The following PATJ variants were observed in gnomAD, a reference collection of about 807,000 sequenced individuals.
PATJ encodes inaD-like protein.
A neutral mutation model predicts 224.9 loss-of-function variants in PATJ; 190 were observed. The observed-to-expected ratio is 0.84, with a 90% CI of 0.75 to 0.95. The LOEUF (loss-of-function observed/expected upper bound fraction) is 0.95. Ranked by LOEUF, PATJ falls within the 40% of genes least tolerant of loss-of-function variation. The pLI is 0.00. For missense variants in PATJ, 2,121 were observed against 2,270.3 expected (o/e 0.93, Z 1.34); for synonymous variants, 769 against 820.3 (o/e 0.94, Z 1.07).
At chr1:61,838,521 ATTT>A (rs34877280) in intron 17 of PATJ, among the ~76,000 whole-genome samples, 3 of 115,574 alleles carry the variant, frequency 2.6e-5, no homozygotes, top group Admixed American at 9.2e-5. Flanking sequence ...CGCCTGGCTA[ATTT>A]TTTTTTTTTT....
At chr1:62,048,578 A>C (rs1041687619) in intron 30 of PATJ, among the ~76,000 whole-genome samples, 30 of 150,862 alleles carry the variant, frequency 2.0e-4, no homozygotes, top group African/African-American at 7.0e-4. Context: ...AAAGAAAAAG[A>C]AAGAAAAGAA....
At position 61,787,927 on chromosome 1, in the gene PATJ, C is replaced by T. The variant is rs754294234; in HGVS notation, c.1023C>T (p.Ala341=). Reference sequence around the variant, plus strand: ...CAGTCACCCCCCCTGCCCCTGCAGCCTTACCTGTTGCCCTGCCTACTGTAG... The same window carrying T: ...CAGTCACCCCCCCTGCCCCTGCAGCTTTACCTGTTGCCCTGCCTACTGTAG... ...DISVTPPAPA[A]LPVALPTVAS... The change falls in exon 8 of 44, where the codon GCC becomes GCT. Residue 341 remains alanine (A), a synonymous_variant. Transcript: ENST00000642238. 1.2e-6 allele frequency: 2 copies of T among 1,613,956 alleles called. No individual in the cohort carries two copies. The highest frequency in any genetic ancestry group is 2.2e-5 in the East Asian group (1 of 44,882).
At chr1:61,971,750 T>G (rs1372374246) in intron 27 of PATJ, among the ~76,000 whole-genome samples, 1 of 152,018 alleles carries the variant, frequency 6.6e-6, no homozygotes, top group Non-Finnish European at 1.5e-5. Context: ...TCCCAACACT[T>G]TGGGAGGCCA....
At chr1:62,052,429 A>G (rs986762762) in intron 31 of PATJ, among the ~76,000 whole-genome samples, 7 of 149,374 alleles carry the variant, frequency 4.7e-5, no homozygotes, top group Admixed American at 2.0e-4. Flanking sequence ...TTTATTTACC[A>G]GAGATTGACT....
Position 61,864,343 on chromosome 1 carries a change from G to T in PATJ, c.2545G>T (p.Glu849Ter). The T allele has an allele frequency of 6.2e-7, 1 of 1,614,116 alleles. No homozygotes were observed. The highest frequency in any genetic ancestry group is 1.7e-5 in the Admixed American group (1 of 60,014). The stretch of plus-strand genomic sequence containing the variant: ...ACAAAAAGAGATAGAGCAAAGCAAG[G>T]AGGCCTGGGAGATGCATGAATTTCT... ...SQQKEIEQSK[E>*]AWEMHEFLTP... The change falls in exon 20 of 44, where the codon GAG (glutamate) becomes TAG (stop). Residue 849 changes from glutamate to a stop codon, truncating the protein, a stop_gained. Coordinates refer to ENST00000642238, the MANE Select transcript of PATJ (RefSeq NM_001350145.3). LOFTEE classifies it high-confidence loss of function.
At chr1:62,026,486 GTC>G (rs1491156411) in intron 29 of PATJ, among the ~76,000 whole-genome samples, 19,613 of 83,592 alleles carry the variant, frequency 0.23, 1,346 homozygotes, top group Middle Eastern at 0.35. Flanking sequence ...GTGTGTGTGT[GTC>G]TGTGTGTGTG....
intron 41 of PATJ, among the ~76,000 whole-genome samples, chr1:62,143,438 A>ATTTTTTTTT (rs34127211): frequency 1.3e-5 from 1 of 74,310 alleles, no homozygotes; most frequent in African/African-American, 5.8e-5. Context: ...TAAGCTGGGA[A>ATTTTTTTTT]TTTTTTTTTT....
intron 27 of PATJ, among the ~76,000 whole-genome samples, chr1:61,978,196 T>TCTTCCTTCCTTCCTTC (rs142507580): frequency 3.6e-5 from 5 of 137,876 alleles, no homozygotes; most frequent in African/African-American, 1.4e-4. Flanking sequence ...CATCTTCATA[T>TCTTCCTTCCTTCCTTC]CTTCCTTCCT....
intron 41 of PATJ, among the ~76,000 whole-genome samples, chr1:62,139,545 G>A (rs1570772744): frequency 4.6e-5 from 7 of 152,088 alleles, no homozygotes; most frequent in Admixed American, 4.6e-4. Context: ...TTCAGTGGCG[G>A]GGCTGAGCCA....
chr1:61,980,818 T>G (rs1644413739), intron 27 of PATJ, among the ~76,000 whole-genome samples: 1 of 151,920 alleles, frequency 6.6e-6, no homozygotes, highest in African/African-American at 2.4e-5. Flanking sequence ...ACAGGAGGAG[T>G]GCTACCATTT....
intron 27 of PATJ, among the ~76,000 whole-genome samples, chr1:61,932,134 T>C (rs1676124903): frequency 6.6e-6 from 1 of 152,092 alleles, no homozygotes; most frequent in Non-Finnish European, 1.5e-5. Context: ...AGAAAGCTTG[T>C]TAAAACAGTA....
intron 29 of PATJ, among the ~76,000 whole-genome samples, chr1:62,029,886 A>G (rs1648871663): frequency 6.6e-6 from 1 of 152,230 alleles, no homozygotes. Context: ...GCAACTACAA[A>G]GACATGCAAA....
At chr1:62,077,423 T>G (rs1658483288) in intron 31 of PATJ, among the ~76,000 whole-genome samples, 1 of 152,144 alleles carries the variant, frequency 6.6e-6, no homozygotes, top group Admixed American at 6.5e-5. Context: ...GCACAGTGGC[T>G]CATGCCTGTA....
intron 33 of PATJ, among the ~76,000 whole-genome samples, chr1:62,095,162 A>G (rs993154385): frequency 2.6e-5 from 4 of 152,244 alleles, no homozygotes; most frequent in African/African-American, 9.6e-5. Context: ...ATGGTGGGAA[A>G]GTAGTAGATT....
chr1:61,881,971 A>G (rs1668163069), intron 21 of PATJ, among the ~76,000 whole-genome samples: 1 of 152,182 alleles, frequency 6.6e-6, no homozygotes, highest in Non-Finnish European at 1.5e-5. Context: ...CAGTATACTC[A>G]TATTTTTTAA....
At chr1:61,991,411 G>T in intron 28 of PATJ, 6 of 727,054 alleles carry the variant, frequency 8.3e-6, no homozygotes, top group Non-Finnish European at 1.0e-5. Flanking sequence ...AAATCATGGA[G>T]ACACTGAGTG....
chr1:61,775,673 T>A (rs1646874809), intron 7 of PATJ, among the ~76,000 whole-genome samples: 1 of 152,260 alleles, frequency 6.6e-6, no homozygotes, highest in Non-Finnish European at 1.5e-5. Context: ...ATGACCTAAA[T>A]GTTAAAATCA....
chr1:61,926,818 G>C (rs1675272891), intron 26 of PATJ, among the ~76,000 whole-genome samples: 1 of 152,186 alleles, frequency 6.6e-6, no homozygotes, highest in South Asian at 2.1e-4. Flanking sequence ...TTCTGTAATG[G>C]ACCACTCATT....
chr1:61,930,574 G>A (rs1274735185), intron 27 of PATJ, among the ~76,000 whole-genome samples: 22 of 152,112 alleles, frequency 1.4e-4, no homozygotes, highest in Non-Finnish European at 7.4e-5. Context: ...AGATACACAT[G>A]GTTTTGGGGG....
Sources: gnomAD v4.1 joint callset for allele counts (sites outside exome capture counted in the v4.1 genomes callset) on GRCh38, gnomAD v4.1.1 for gene constraint, MANE v1.5 for transcripts, NCBI Gene and HGNC (gene_info 2026-07-23, HGNC 2026-07-21) for gene names.